The following GALC variants were observed in gnomAD, a reference collection of about 807,000 sequenced individuals.
GALC encodes galactocerebrosidase.
GALC carries 77 observed loss-of-function variants against 91.8 expected under a neutral mutation model. The observed-to-expected ratio is 0.84, with a 90% CI of 0.70 to 1.01. GALC has a LOEUF of 1.01. GALC is among the 50% of genes least tolerant of loss of function. The probability of loss-of-function intolerance (pLI) is 0.00; values close to 1 mark genes in which losing one functional copy is unlikely to be tolerated. For synonymous variants in GALC, 357 were observed against 306.7 expected, an observed-to-expected ratio of 1.16 and a Z score of -1.71; for missense variants, 882 against 855.9, an observed-to-expected ratio of 1.03 and a Z score of -0.38.
At chr14:87,971,294 A>G (rs1187452430) in intron 7 of GALC, among the ~76,000 whole-genome samples, 1 of 152,172 alleles carries the variant, frequency 6.6e-6, no homozygotes, top group East Asian at 1.9e-4. Flanking sequence ...CTCACACAAA[A>G]GGAGTAGACC....
At chr14:87,984,044 C>A (rs768033444) in intron 5 of GALC, among the ~76,000 whole-genome samples, 3 of 151,810 alleles carry the variant, frequency 2.0e-5, no homozygotes, top group Non-Finnish European at 4.4e-5. Flanking sequence ...ATGAGACTAA[C>A]CCCCCATAAG....
rs374289043 is a variant in GALC, at chr14:87,974,719, AT to A, written c.752+1638del. On this transcript the variant is annotated intron_variant, in intron 7 of 16. Transcript: ENST00000261304. ...GAAAAAAGCGAAGGTATTTTTTCAGATTTTTTTTTAATAAGCTCCTGAGAAA... is the reference window on the plus strand; with the variant it reads ...GAAAAAAGCGAAGGTATTTTTTCAGATTTTTTTTAATAAGCTCCTGAGAAA... Among the ~76,000 whole-genome samples, 697 of 151,712 alleles carry A rather than the reference AT, an allele frequency of 4.6e-3. 5 individuals carry two copies. The highest frequency in any genetic ancestry group is 7.3e-3 in the East Asian group (38 of 5,178).
At chr14:87,937,584 C>A (rs1391781896) in intron 16 of GALC, among the ~76,000 whole-genome samples, 1 of 151,736 alleles carries the variant, frequency 6.6e-6, no homozygotes, top group African/African-American at 2.4e-5. Context: ...TAATGAATCA[C>A]ATTGTATTAA....
At chr14:87,975,191 G>T (rs1886443775) in intron 7 of GALC, among the ~76,000 whole-genome samples, 1 of 151,986 alleles carries the variant, frequency 6.6e-6, no homozygotes, top group Non-Finnish European at 1.5e-5. Context: ...AGATGAGCAA[G>T]TTATATTAAA....
chr14:87,963,569 T>A (rs962552835), intron 9 of GALC, 58 bp from the exon 10 acceptor site: 93 of 1,474,498 alleles, frequency 6.3e-5, no homozygotes, highest in Non-Finnish European at 7.7e-5. Flanking sequence ...GTATTTCTTT[T>A]GGGAAAAAAA....
At chr14:87,989,352 C>T (rs73312833) in intron 1 of GALC, among the ~76,000 whole-genome samples, 3,261 of 152,168 alleles carry the variant, frequency 0.021, 118 homozygotes, top group African/African-American at 0.074. Context: ...ATATATGCTA[C>T]CACTGACATT....
Position 87,985,319 on chromosome 14 carries a change from T to C in GALC, c.443-786A>G, listed in dbSNP as rs141048814. Among the ~76,000 whole-genome samples, 430 of 152,346 alleles carry C rather than the reference T, an allele frequency of 2.8e-3. 3 individuals are homozygous for C. Among genetic ancestry groups the C allele is most frequent in the African/African-American group, 9.8e-3 (409 of 41,586 alleles). On this transcript the variant is annotated intron_variant, in intron 4 of 16. Coordinates refer to ENST00000261304, the MANE Select transcript of GALC (RefSeq NM_000153.4). ...ATAAAAATCAAAATGACAAAATGCT[T>C]ATTTTCTAAACTCAGGAGGAACACC...
chr14:87,982,901 A>G (rs1225872096), intron 5 of GALC, among the ~76,000 whole-genome samples: 1 of 152,208 alleles, frequency 6.6e-6, no homozygotes, highest in Non-Finnish European at 1.5e-5. Flanking sequence ...AGAGTTTATC[A>G]ATGAACCTCC....
chr14:87,973,143 A>T (rs965492785), intron 7 of GALC, among the ~76,000 whole-genome samples: 5 of 152,174 alleles, frequency 3.3e-5, no homozygotes, highest in African/African-American at 7.2e-5. Context: ...TTTGAGAATT[A>T]AAAAAGGATT....
intron 3 of GALC, 181 bp downstream of exon 3, chr14:87,987,963 A>G (rs1483396414): frequency 1.7e-6 from 1 of 583,898 alleles, no homozygotes; most frequent in East Asian, 2.9e-5. Context: ...TTGATGGACC[A>G]GTCATATTCT....
chr14:87,992,982 G>C lies in GALC; in HGVS notation c.183C>G (p.Val61=). The change falls in exon 1 of 17, where the codon GTC becomes GTG. Residue 61 remains valine (V), a synonymous_variant. Transcript: ENST00000261304. The part of the protein sequence containing the change: ...LGREFDGIGA[V]SGGGATSRLL... ...GCTTGCCGCTCACCCCGCCGCCGCT[G>C]ACCGCGCCGATGCCGTCGAACTCCC... 1.3e-6 allele frequency: 2 copies of C among 1,526,806 alleles called. No homozygotes were observed. The highest frequency in any genetic ancestry group is 1.9e-5 in the Admixed American group (1 of 51,880). The allele number at this position is 1,526,806 out of a possible 1,614,324, so 94.6% of individuals were successfully genotyped here.
intron 10 of GALC, among the ~76,000 whole-genome samples, chr14:87,958,694 T>C (rs1302676379): frequency 1.3e-5 from 2 of 152,168 alleles, no homozygotes; most frequent in East Asian, 1.9e-4. Flanking sequence ...AATAAATTCA[T>C]GCCCTATGAC....
rs540937002 is a variant in GALC at position 87,941,371 on chromosome 14, T to TAA, written c.1834+23_1834+24insTT. The TAA allele has an allele frequency of 4.9e-4, 648 of 1,327,594 alleles. 1 individual carries two copies. In the African/African-American group the frequency reaches 8.8e-3, roughly 18 times the overall value. The allele number at this position is 1,327,594 out of a possible 1,614,324, so 82.2% of individuals were successfully genotyped here. On this transcript the variant is annotated intron_variant, in intron 15 of 16. Coordinates refer to ENST00000261304, the MANE Select transcript of GALC (RefSeq NM_000153.4). ...AACATAGCCCATAAGTCATATGCTA[T>TAA]TAAAAAAAAAAAAAGTCAGTTACCT... is the stretch of plus-strand genomic sequence containing the variant.
chr14:87,984,569 G>T lies in GALC; in HGVS notation c.443-36C>A, dbSNP rs765745480. 4.3e-6 allele frequency: 7 copies of T among 1,612,706 alleles called. No homozygotes were observed. In the African/African-American group the frequency reaches 8.0e-5, roughly 18 times the overall value. The stretch of plus-strand genomic sequence containing the variant: ...AAGGGAGGAGGCAAAGGTAGAGGAG[G>T]TATAACGGTGCTGGCGCTATTGAAA... On this transcript the variant is annotated intron_variant, in intron 4 of 16. Transcript: ENST00000261304.
chr14:87,936,287 C>T (rs1043666389), intron 16 of GALC, among the ~76,000 whole-genome samples: 11 of 151,994 alleles, frequency 7.2e-5, no homozygotes, highest in African/African-American at 2.7e-4. Context: ...ATTTTTTCTT[C>T]ATAATCATTT....
chr14:87,976,527 A>T (rs769959749), intron 6 of GALC, 39 bp from the exon 7 acceptor site: 1 of 1,548,654 alleles, frequency 6.5e-7, no homozygotes, highest in East Asian at 2.2e-5. Context: ...AAGGATACAA[A>T]TGAATTTTTA....
intron 1 of GALC, among the ~76,000 whole-genome samples, chr14:87,990,735 T>C (rs947713004): frequency 6.6e-6 from 1 of 152,188 alleles, no homozygotes; most frequent in Non-Finnish European, 1.5e-5. Flanking sequence ...ACACCAATCA[T>C]GTTATTGCAA....
chr14:87,974,826 C>G (rs1350312701), intron 7 of GALC, among the ~76,000 whole-genome samples: 1 of 150,896 alleles, frequency 6.6e-6, no homozygotes, highest in African/African-American at 2.4e-5. Context: ...ATAAAACAGC[C>G]CTATGAGATA....
At chr14:87,962,765 A>G (rs1885862483) in intron 10 of GALC, among the ~76,000 whole-genome samples, 1 of 151,860 alleles carries the variant, frequency 6.6e-6, no homozygotes, top group South Asian at 2.1e-4. Flanking sequence ...TTGGAACTTC[A>G]TTGACCTCTT....
Sources: allele counts gnomAD v4.1 joint callset (sites outside exome capture counted in the v4.1 genomes callset), GRCh38; gene constraint gnomAD v4.1.1; transcripts MANE v1.5; gene names NCBI Gene and HGNC (gene_info 2026-07-23, HGNC 2026-07-21).